SLC26A7: variants seen among roughly 807,000 people sequenced by gnomAD.
SLC26A7 encodes anion exchange transporter.
A neutral mutation model predicts 82.5 loss-of-function variants in SLC26A7; 59 were observed. The ratio of observed to expected loss-of-function variants is 0.72; its 90% CI spans 0.58 to 0.89. The LOEUF (loss-of-function observed/expected upper bound fraction) is 0.89. Among genes scored for constraint, SLC26A7 ranks in the 40% least tolerant of loss-of-function variants. The pLI, the probability that SLC26A7 is intolerant of heterozygous loss-of-function variation, is 0.00. For missense variants in SLC26A7, 820 were observed against 793.0 expected (o/e 1.03, Z -0.41); for synonymous variants, 271 against 274.3 (o/e 0.99, Z 0.12).
rs1422695887 is a variant in SLC26A7 at position 91,334,436 on chromosome 8, G to T, written c.784G>T (p.Asp262Tyr). The T allele has an allele frequency of 6.2e-7, 1 of 1,611,302 alleles. No individual in the cohort carries two copies. ...KRKIKVVLPVDLVLIIAASFA... is the reference protein window; with the variant it reads ...KRKIKVVLPVYLVLIIAASFA... The stretch of plus-strand genomic sequence containing the variant: ...GAAAATTAAAGTTGTTCTTCCTGTA[G>T]ATTTAGTTTTGGTAAGTATAAAATC... Residue 262 changes from aspartate (D) to tyrosine (Y), a missense_variant, in exon 6 of 19, where the codon GAT becomes TAT. Asp to Tyr is a radical substitution (Grantham distance 160). Transcript: ENST00000276609.
At chr8:91,245,852 C>T (rs747020319), upstream of SLC26A7, among the ~76,000 whole-genome samples, 43 of 152,252 alleles carry the variant, frequency 2.8e-4, no homozygotes, top group Non-Finnish European at 5.0e-4. Context: ...TCATAATTGC[C>T]GCAGAGATCC....
intron 13 of SLC26A7, among the ~76,000 whole-genome samples, chr8:91,365,158 A>G (rs1023966308): frequency 6.8e-6 from 1 of 146,570 alleles, no homozygotes; most frequent in African/African-American, 2.5e-5. Context: ...TTCTTTAACA[A>G]ATACATTTTT....
intron 10 of SLC26A7, 51 bp from the exon 11 acceptor site, chr8:91,352,850 T>C (rs758080829): frequency 6.9e-7 from 1 of 1,449,710 alleles, no homozygotes; most frequent in South Asian, 1.2e-5. Flanking sequence ...CTTTTAAATT[T>C]AAGTTAAAAT....
intron 11 of SLC26A7, among the ~76,000 whole-genome samples, chr8:91,357,861 T>A (rs887810110): frequency 1.2e-4 from 19 of 152,296 alleles, no homozygotes; most frequent in Middle Eastern, 3.4e-3. Flanking sequence ...AACCTACTCA[T>A]CTGACAAAGG....
chr8:91,317,356 T>A (rs1167281687), intron 4 of SLC26A7, among the ~76,000 whole-genome samples: 1 of 152,170 alleles, frequency 6.6e-6, no homozygotes, highest in Non-Finnish European at 1.5e-5. Flanking sequence ...TACTGATTTG[T>A]GGGCTTCTCA....
chr8:91,386,154 T>C (rs1814794138), intron 15 of SLC26A7, among the ~76,000 whole-genome samples: 1 of 152,124 alleles, frequency 6.6e-6, no homozygotes, highest in African/African-American at 2.4e-5. Flanking sequence ...TTATAGATAA[T>C]AATTTATGGA....
At chr8:91,371,136 A>G (rs1270595141) in intron 15 of SLC26A7, among the ~76,000 whole-genome samples, 3 of 151,954 alleles carry the variant, frequency 2.0e-5, no homozygotes, top group Non-Finnish European at 4.4e-5. Context: ...AGAATGAAAT[A>G]GCATTATACA....
At chr8:91,312,982 T>A (rs1812531755) in intron 4 of SLC26A7, among the ~76,000 whole-genome samples, 1 of 152,172 alleles carries the variant, frequency 6.6e-6, no homozygotes, top group Non-Finnish European at 1.5e-5. Context: ...ATGCACAGAT[T>A]TTTAAAGTTT....
At chr8:91,222,858 T>G (rs1000144351) in intron 2 of SLC26A7, among the ~76,000 whole-genome samples, 7 of 152,206 alleles carry the variant, frequency 4.6e-5, no homozygotes, top group Middle Eastern at 3.2e-3. Context: ...CTTCATAAAA[T>G]GAGCGAGGAG....
chr8:91,250,658 C>T (rs1810633984), intron 2 of SLC26A7, among the ~76,000 whole-genome samples: 1 of 152,102 alleles, frequency 6.6e-6, no homozygotes, highest in Admixed American at 6.6e-5. Flanking sequence ...GAGCAGTTTC[C>T]TTGGCATAGA....
At chr8:91,246,939 GA>G (rs1810552749), upstream of SLC26A7, among the ~76,000 whole-genome samples, 1 of 152,146 alleles carries the variant, frequency 6.6e-6, no homozygotes, top group African/African-American at 2.4e-5. Context: ...GTAACTCCTA[GA>G]ATACAGAGGT....
intron 7 of SLC26A7, among the ~76,000 whole-genome samples, chr8:91,338,604 A>G (rs1434018184): frequency 2.0e-5 from 3 of 152,158 alleles, no homozygotes; most frequent in African/African-American, 7.2e-5. Flanking sequence ...CACTTAAATC[A>G]TAGTAAAAGT....
rs542677808 is a variant in SLC26A7 at position 91,288,875 on chromosome 8, C to T, written c.194-261C>T. Among the ~76,000 whole-genome samples, 255 of 152,316 alleles carry T rather than the reference C, an allele frequency of 1.7e-3. 1 individual carries two copies. Among genetic ancestry groups the T allele is most frequent in the Non-Finnish European group, 1.5e-3 (104 of 68,026 alleles). ...CAACCTACCATTCAACAGGAAGACT[C>T]TCTGAACCACTGTTTTTTGTAGACA... is the stretch of plus-strand genomic sequence containing the variant. On this transcript the variant is annotated intron_variant, in intron 2 of 18. Coordinates refer to ENST00000276609, the MANE Select transcript of SLC26A7 (RefSeq NM_052832.4).
intron 4 of SLC26A7, among the ~76,000 whole-genome samples, chr8:91,299,973 G>T (rs1812118677): frequency 6.6e-6 from 1 of 152,206 alleles, no homozygotes; most frequent in Non-Finnish European, 1.5e-5. Context: ...AGTGGAGAAA[G>T]AGTTGTGTGT....
chr8:91,340,480 G>T lies in SLC26A7; in HGVS notation c.955G>T (p.Gly319Cys). 1 of 1,613,926 alleles carries T rather than the reference G, an allele frequency of 6.2e-7. No individual in the cohort carries two copies. Among genetic ancestry groups the T allele is most frequent in the Non-Finnish European group, 8.5e-7 (1 of 1,179,938 alleles). Residue 319 changes from glycine to cysteine, a missense_variant, in exon 8 of 19, where the codon GGC becomes TGC. By Grantham distance (159) the Gly-to-Cys change is radical (BLOSUM62 -3). Coordinates refer to ENST00000276609, the MANE Select transcript of SLC26A7 (RefSeq NM_052832.4). ...TGAAGCTTTCGGAGTGGCACTTGTA[G>T]GCTATGTGGCCTCACTGGCTCTTGC... ...ITEAFGVALV[G>C]YVASLALAQG...
At chr8:91,214,279 A>G (rs1809996326) in intron 1 of SLC26A7, among the ~76,000 whole-genome samples, 1 of 152,118 alleles carries the variant, frequency 6.6e-6, no homozygotes, top group African/African-American at 2.4e-5. Context: ...GGGAGGCAAG[A>G]CCCCAAGTTG....
chr8:91,356,276 T>C (rs1449695935), intron 11 of SLC26A7, among the ~76,000 whole-genome samples: 6 of 152,354 alleles, frequency 3.9e-5, no homozygotes, highest in African/African-American at 9.6e-5. Flanking sequence ...ATGGTATTTC[T>C]AGTTCTAGAT....
intron 2 of SLC26A7, among the ~76,000 whole-genome samples, chr8:91,255,378 A>G (rs1363238911): frequency 6.6e-6 from 1 of 152,136 alleles, no homozygotes; most frequent in African/African-American, 2.4e-5. Flanking sequence ...CATGCAGAAC[A>G]ATAAGTGGAA....
At chr8:91,373,283 G>A (rs1027627833) in intron 15 of SLC26A7, among the ~76,000 whole-genome samples, 1 of 151,918 alleles carries the variant, frequency 6.6e-6, no homozygotes, top group African/African-American at 2.4e-5. Context: ...GGTGAGAGTG[G>A]GCATCCTTGT....
Sources: allele counts gnomAD v4.1 joint callset (sites outside exome capture counted in the v4.1 genomes callset), GRCh38; gene constraint gnomAD v4.1.1; transcripts MANE v1.5; gene names NCBI Gene and HGNC (gene_info 2026-07-23, HGNC 2026-07-21).